Variants in CDHR3 observed in about 807,000 individuals in gnomAD.
The protein encoded by CDHR3 is cadherin-related family member 3.
A neutral mutation model predicts 86.6 loss-of-function variants in CDHR3; 79 were observed. The ratio of observed to expected loss-of-function variants is 0.91; its 90% confidence interval spans 0.76 to 1.10. The LOEUF is 1.10. Ranked by LOEUF, CDHR3 falls within the 50% of genes least tolerant of loss-of-function variation. CDHR3 has a pLI of 0.00. For synonymous variants in CDHR3, 421 were observed against 402.4 expected (o/e 1.05, Z -0.55); for missense variants, 1,081 against 1,077.6 (o/e 1.00, Z -0.04).
intron 2 of CDHR3, among the ~76,000 whole-genome samples, chr7:105,979,499 C>T (rs1214788491): frequency 2.0e-5 from 3 of 152,204 alleles, no homozygotes; most frequent in East Asian, 1.9e-4. Context: ...AACTCCTCTA[C>T]GAAGCCTTCC....
chr7:106,012,786 C>G (rs146510892), intron 8 of CDHR3, 74 bp from the exon 9 acceptor site: 1 of 1,480,290 alleles, frequency 6.8e-7, no homozygotes. Context: ...AGGTGTCTAG[C>G]CCAGGGCCCA....
At chr7:106,024,052 A>G (rs978678243) in intron 14 of CDHR3, among the ~76,000 whole-genome samples, 1 of 152,036 alleles carries the variant, frequency 6.6e-6, no homozygotes, top group Non-Finnish European at 1.5e-5. Context: ...GACAATGGCT[A>G]TATTCGTCCC....
At chr7:105,983,234 T>C (rs1407215595) in intron 3 of CDHR3, among the ~76,000 whole-genome samples, 1 of 131,678 alleles carries the variant, frequency 7.6e-6, no homozygotes, top group African/African-American at 2.9e-5. Flanking sequence ...TGTAGATCAC[T>C]GTTTGGACAG....
Position 106,033,066 on chromosome 7 carries a change from A to G in CDHR3, c.*369A>G, listed in dbSNP as rs1838612177. The G allele has an allele frequency of 5.1e-6, 1 of 194,234 alleles. No individual in the cohort carries two copies. 12.0% of individuals were successfully genotyped at this position (194,234 alleles called of 1,614,324 possible). A position where few individuals can be genotyped will look rare whatever the true frequency, so the allele number is the denominator to read the frequency against. ...ATTCCTGACATAAATAGTGAAGACT[A>G]TCCTTACATCTGGTTTCCACCTTAT... On this transcript the variant is annotated 3_prime_UTR_variant, in exon 19 of 19. Transcript: ENST00000317716.
intron 1 of CDHR3, among the ~76,000 whole-genome samples, chr7:105,971,582 A>G (rs1827987252): frequency 6.6e-6 from 1 of 152,166 alleles, no homozygotes; most frequent in Non-Finnish European, 1.5e-5. Context: ...AGTCTCTCAG[A>G]CCCAGGAATT....
intron 16 of CDHR3, among the ~76,000 whole-genome samples, chr7:106,028,122 T>TAAAAC (rs1837652850): frequency 4.0e-5 from 1 of 25,184 alleles, no homozygotes; most frequent in Non-Finnish European, 7.1e-5. Context: ...TGTCTTAAAA[T>TAAAAC]AAAATAAAAT....
At chr7:105,979,179 G>A (rs142639203) in intron 2 of CDHR3, among the ~76,000 whole-genome samples, 2 of 152,228 alleles carry the variant, frequency 1.3e-5, no homozygotes, top group East Asian at 3.9e-4. Flanking sequence ...TTTACAGATG[G>A]GAAAACTAAG....
chr7:106,018,610 C>A (rs1836033548), intron 12 of CDHR3, among the ~76,000 whole-genome samples: 1 of 152,168 alleles, frequency 6.6e-6, no homozygotes, highest in African/African-American at 2.4e-5. Flanking sequence ...ATTAGAATGT[C>A]TGGTGGACCC....
intron 2 of CDHR3, among the ~76,000 whole-genome samples, chr7:105,975,359 T>C (rs1372099049): frequency 1.3e-5 from 2 of 152,238 alleles, no homozygotes; most frequent in African/African-American, 4.8e-5. Context: ...ATCTAAATTC[T>C]TTCGGTGGAG....
intron 14 of CDHR3, among the ~76,000 whole-genome samples, chr7:106,023,326 G>T (rs1836858434): frequency 6.6e-6 from 1 of 152,206 alleles, no homozygotes; most frequent in African/African-American, 2.4e-5. Context: ...GAGAGCCACT[G>T]ATCTAGAGGG....
At chr7:106,023,811 C>T (rs1836944461) in intron 14 of CDHR3, among the ~76,000 whole-genome samples, 1 of 152,182 alleles carries the variant, frequency 6.6e-6, no homozygotes, top group Admixed American at 6.5e-5. Flanking sequence ...TGAGGAGTTC[C>T]CACCTTTCTT....
At chr7:106,003,891 C>T (rs1004125734) in intron 7 of CDHR3, among the ~76,000 whole-genome samples, 2 of 137,524 alleles carry the variant, frequency 1.5e-5, no homozygotes, top group Non-Finnish European at 3.0e-5. Context: ...CGAAATTCAA[C>T]TTTTAACAAG....
intron 6 of CDHR3, among the ~76,000 whole-genome samples, chr7:106,000,653 A>C (rs562733090): frequency 6.6e-6 from 1 of 152,152 alleles, no homozygotes; most frequent in Non-Finnish European, 1.5e-5. Flanking sequence ...AGCATTCAAA[A>C]TTACTCAATG....
At chr7:106,031,646 A>G (rs1401547467) in intron 18 of CDHR3, among the ~76,000 whole-genome samples, 1 of 152,224 alleles carries the variant, frequency 6.6e-6, no homozygotes, top group Non-Finnish European at 1.5e-5. Context: ...CCACATTAGC[A>G]TAAGTGCTGG....
In CDHR3 at chr7:106,004,677, T is replaced by C. The variant is rs1043917975; in HGVS notation, c.1042T>C (p.Phe348Leu). The C allele has an allele frequency of 1.9e-6, 3 of 1,613,886 alleles. No homozygotes were observed. The highest frequency in any genetic ancestry group is 1.3e-5 in the African/African-American group (1 of 74,940). ...VNDNPATCQK[F>L]TFSIMVPERT... ...CGACAATCCTGCCACATGCCAAAAG[T>C]TCACCTTCAGGTATGCACACTTTGA... The change falls in exon 8 of 19, where the codon TTC (phenylalanine) becomes CTC (leucine). Residue 348 changes from phenylalanine to leucine, a missense_variant. Transcript: ENST00000317716.
chr7:106,012,635 G>A (rs752528754), intron 8 of CDHR3, among the ~76,000 whole-genome samples: 4 of 152,152 alleles, frequency 2.6e-5, no homozygotes, highest in African/African-American at 9.7e-5. Context: ...GAGGAGTGAC[G>A]TGATCTGACA....
intron 1 of CDHR3, among the ~76,000 whole-genome samples, chr7:105,964,718 C>T (rs987116963): frequency 1.3e-5 from 2 of 152,048 alleles, no homozygotes; most frequent in African/African-American, 4.8e-5. Context: ...AAATCAAACG[C>T]TTTTTCAAGA....
chr7:105,999,985 G>A (rs1832884641), intron 6 of CDHR3, among the ~76,000 whole-genome samples: 2 of 152,224 alleles, frequency 1.3e-5, no homozygotes, highest in South Asian at 2.1e-4. Flanking sequence ...AGCAACAGGG[G>A]CATTCACAGA....
At chr7:105,978,439 C>G (rs1829155545) in intron 2 of CDHR3, among the ~76,000 whole-genome samples, 1 of 152,172 alleles carries the variant, frequency 6.6e-6, no homozygotes, top group Non-Finnish European at 1.5e-5. Flanking sequence ...ATGTGCTCGG[C>G]CTTATCCAGA....
Sources: allele counts gnomAD v4.1 joint callset (sites outside exome capture counted in the v4.1 genomes callset), GRCh38; gene constraint gnomAD v4.1.1; transcripts MANE v1.5; gene names NCBI Gene and HGNC (gene_info 2026-07-23, HGNC 2026-07-21).